Variants in KALRN observed in about 807,000 individuals in gnomAD.
KALRN encodes the protein kalirin.
In KALRN, 70 loss-of-function variants were observed where a neutral mutation model predicts 353.7. That is an observed-to-expected ratio of 0.20 (90% CI 0.16 to 0.24). KALRN has a LOEUF of 0.24. Ranked by LOEUF, KALRN falls within the 10% of genes least tolerant of loss-of-function variation. The pLI is 1.00. For missense variants in KALRN, 2,791 were observed against 3,756.7 expected, an observed-to-expected ratio of 0.74 and a Z score of 6.72; for synonymous variants, 1,391 against 1,434.8, an observed-to-expected ratio of 0.97 and a Z score of 0.69.
intron 34 of KALRN, among the ~76,000 whole-genome samples, chr3:124,585,844 C>T (rs1461738749): frequency 6.6e-6 from 1 of 152,144 alleles, no homozygotes; most frequent in Non-Finnish European, 1.5e-5. Context: ...ATTTACAATA[C>T]CCCACCCAGT....
At chr3:124,560,445 T>C (rs1486395824) in intron 33 of KALRN, among the ~76,000 whole-genome samples, 1 of 152,190 alleles carries the variant, frequency 6.6e-6, no homozygotes, top group Non-Finnish European at 1.5e-5. Flanking sequence ...CAGAGTCCAT[T>C]AGCGAGGTGG....
chr3:124,649,998 TAATA>T (rs1355275008), intron 37 of KALRN, among the ~76,000 whole-genome samples: 155 of 147,784 alleles, frequency 1.0e-3, no homozygotes, highest in Non-Finnish European at 1.9e-3. Context: ...ATAATAATAA[TAATA>T]ATAAAGAATA....
intron 33 of KALRN, among the ~76,000 whole-genome samples, chr3:124,510,229 C>G (rs371442688): frequency 6.6e-6 from 1 of 152,226 alleles, no homozygotes. Context: ...GAATGTTCCA[C>G]GTTAGATTTT....
intron 25 of KALRN, among the ~76,000 whole-genome samples, chr3:124,471,638 G>C (rs2060908667): frequency 6.6e-6 from 1 of 152,012 alleles, no homozygotes; most frequent in African/African-American, 2.4e-5. Flanking sequence ...TCAGTTGTGG[G>C]AGGGGAAGAA....
At chr3:124,687,351 C>T (rs1452187480) in intron 51 of KALRN, among the ~76,000 whole-genome samples, 9 of 152,174 alleles carry the variant, frequency 5.9e-5, no homozygotes, top group Non-Finnish European at 7.3e-5. Flanking sequence ...CAGTCCCTTC[C>T]TAACTGACTC....
intron 1 of KALRN, among the ~76,000 whole-genome samples, chr3:124,076,757 G>C (rs757187578): frequency 6.6e-6 from 1 of 152,210 alleles, no homozygotes; most frequent in Non-Finnish European, 1.5e-5. Flanking sequence ...GGGTGGTGGG[G>C]ACTGTGGCAA....
intron 34 of KALRN, among the ~76,000 whole-genome samples, chr3:124,608,493 T>C (rs891255876): frequency 1.3e-5 from 2 of 152,190 alleles, no homozygotes; most frequent in African/African-American, 4.8e-5. Context: ...CAGAGACTAG[T>C]TGCTGGAAGT....
intron 10 of KALRN, among the ~76,000 whole-genome samples, chr3:124,371,475 G>C (rs943440068): frequency 3.9e-5 from 6 of 152,064 alleles, no homozygotes; most frequent in African/African-American, 1.4e-4. Context: ...GGGTTGTATG[G>C]TAATTGTATT....
Position 124,646,391 on chromosome 3 carries a change from C to CTTTTT in KALRN, c.5665-4404_5665-4400dup, listed in dbSNP as rs10673161. Among the ~76,000 whole-genome samples the CTTTTT allele has an allele frequency of 3.5e-3, 385 of 110,450 alleles. 27 individuals are homozygous for CTTTTT. The highest frequency in any genetic ancestry group is 0.034 in the Admixed American group (329 of 9,760). The allele number at this position is 110,450 out of a possible 152,430, so 72.5% of individuals were successfully genotyped here. ...GACTGCTAGAGGGATCTTTTGTTTA[C>CTTTTT]TTTTTTTTTTTTTTTTTGAGACAGA... On this transcript the variant is annotated intron_variant, in intron 37 of 59. Transcript: ENST00000682506.
intron 1 of KALRN, among the ~76,000 whole-genome samples, chr3:124,109,028 CCTT>C (rs1476645459): frequency 6.6e-6 from 1 of 152,152 alleles, no homozygotes; most frequent in Non-Finnish European, 1.5e-5. Context: ...TCCTGCTTCT[CCTT>C]CTCCTGCTTC....
chr3:124,114,409 A>T (rs954126813), intron 1 of KALRN, among the ~76,000 whole-genome samples: 13 of 152,162 alleles, frequency 8.5e-5, no homozygotes, highest in Non-Finnish European at 1.0e-4. Flanking sequence ...TGCTGTTTTC[A>T]TGAGGGCTCT....
rs1455481171 is a variant in KALRN, at chr3:124,496,414, G to T, written c.4935+1G>T. 6.2e-7 allele frequency: 1 copy of T among 1,606,232 alleles called. No individual in the cohort carries two copies. The highest frequency in any genetic ancestry group is 8.5e-7 in the Non-Finnish European group (1 of 1,173,092). ...TCAGAACACAGTGGACAGTGACAAG[G>T]TAGGACAGAGTCCTAACCTTCCTTC... On this transcript the variant is annotated splice_donor_variant, in intron 33 of 59. Coordinates refer to ENST00000682506, the MANE Select transcript of KALRN (RefSeq NM_001388419.1). LOFTEE classifies it high-confidence loss of function.
intron 3 of KALRN, among the ~76,000 whole-genome samples, chr3:124,246,228 A>G: frequency 6.6e-6 from 1 of 152,234 alleles, no homozygotes; most frequent in East Asian, 1.9e-4. Flanking sequence ...TTGCCCAGGC[A>G]CCATTGTGCA....
chr3:124,642,802 C>CTTTGTTTTTTTTTTGTTGTTGTT (rs1209328309), intron 37 of KALRN, among the ~76,000 whole-genome samples: 2 of 60,064 alleles, frequency 3.3e-5, no homozygotes, highest in African/African-American at 1.6e-4. Flanking sequence ...GATTCCCAAG[C>CTTTGTTTTTTTTTTGTTGTTGTT]CTCGTTTTTT....
chr3:124,556,226 C>A (rs1324848677), intron 33 of KALRN, among the ~76,000 whole-genome samples: 2 of 152,146 alleles, frequency 1.3e-5, no homozygotes, highest in Non-Finnish European at 2.9e-5. Context: ...CAAACAGCTC[C>A]TTCAGTTGCA....
intron 13 of KALRN, among the ~76,000 whole-genome samples, chr3:124,402,024 A>G (rs542278838): frequency 1.3e-5 from 2 of 152,174 alleles, no homozygotes; most frequent in Admixed American, 6.5e-5. Context: ...TTTCCTTCCT[A>G]AAGGAAGGCA....
At chr3:124,363,515 T>A (rs2084297507) in intron 10 of KALRN, among the ~76,000 whole-genome samples, 1 of 152,232 alleles carries the variant, frequency 6.6e-6, no homozygotes, top group Non-Finnish European at 1.5e-5. Flanking sequence ...TACTTAAAAG[T>A]ACTTTAAGTC....
chr3:124,212,728 G>T (rs1479807478), intron 1 of KALRN, among the ~76,000 whole-genome samples: 1 of 152,046 alleles, frequency 6.6e-6, no homozygotes, highest in Admixed American at 6.6e-5. Flanking sequence ...TGCACTAATG[G>T]GGTTATAGGC....
In KALRN at chr3:124,693,838, TA is replaced by T; in HGVS notation, c.7405+12del. The T allele has an allele frequency of 6.4e-7, 1 of 1,561,546 alleles. No homozygotes were observed. Among genetic ancestry groups the T allele is most frequent in the Non-Finnish European group, 8.8e-7 (1 of 1,142,698 alleles). On this transcript the variant is annotated splice_region_variant and intron_variant, in intron 52 of 59. Transcript: ENST00000682506. ...CCAAATTTCATCCAAGAAGGTGAGT[TA>T]AAAAGCATTAGAATTGGAAACATGG...
Sources: allele counts gnomAD v4.1 joint callset (sites outside exome capture counted in the v4.1 genomes callset), GRCh38; gene constraint gnomAD v4.1.1; transcripts MANE v1.5; gene names NCBI Gene and HGNC (gene_info 2026-07-23, HGNC 2026-07-21).